LRIG2: variants seen among roughly 807,000 people sequenced by gnomAD.
LRIG2 encodes leucine rich repeats and immunoglobulin like domains 2, also known as leucine-rich repeats and immunoglobulin-like domains protein 2.
In LRIG2, 93 loss-of-function variants were observed where a neutral mutation model predicts 107.8. The observed-to-expected ratio is 0.86, with a 90% CI of 0.73 to 1.03. The LOEUF (loss-of-function observed/expected upper bound fraction) is 1.03, where lower values mean the gene tolerates loss of function less well. Ranked by LOEUF, LRIG2 falls within the 50% of genes least tolerant of loss-of-function variation. LRIG2 has a pLI of 0.00. For missense variants in LRIG2, 1,226 were observed against 1,296.0 expected, an observed-to-expected ratio of 0.95 and a Z score of 0.83; for synonymous variants, 471 against 470.6, an observed-to-expected ratio of 1.00 and a Z score of -0.01.
intron 17 of LRIG2, among the ~76,000 whole-genome samples, chr1:113,119,808 G>A (rs979402387): frequency 1.3e-4 from 20 of 152,156 alleles, no homozygotes; most frequent in African/African-American, 4.8e-4. Context: ...GTTTCATACA[G>A]GCTATTTATT....
At chr1:113,078,696 A>C (rs1345967340) in intron 1 of LRIG2, among the ~76,000 whole-genome samples, 2 of 149,276 alleles carry the variant, frequency 1.3e-5, no homozygotes, top group Non-Finnish European at 3.0e-5. Flanking sequence ...GCTGGAGTGC[A>C]ATGGTCCAGT....
At chr1:113,123,581 AT>A (rs1374656377) in intron 17 of LRIG2, among the ~76,000 whole-genome samples, 2 of 152,232 alleles carry the variant, frequency 1.3e-5, no homozygotes, top group Non-Finnish European at 2.9e-5. Context: ...TCTCAAAAAA[AT>A]AAATAAATAA....
At chr1:113,098,812 C>CA in intron 9 of LRIG2, 27 bp downstream of exon 9, 3 of 1,307,928 alleles carry the variant, frequency 2.3e-6, no homozygotes, top group South Asian at 1.2e-5. Flanking sequence ...TTATGTATGT[C>CA]TACATAGGCA....
At chr1:113,091,463 C>A in intron 2 of LRIG2, 80 bp downstream of exon 2, 1 of 814,382 alleles carries the variant, frequency 1.2e-6, no homozygotes, top group Non-Finnish European at 1.9e-6. Context: ...GATGTTTAAT[C>A]CAGAGATGCC....
At chr1:113,121,818 C>T (rs1216796) in intron 17 of LRIG2, among the ~76,000 whole-genome samples, 117,787 of 151,726 alleles carry the variant, frequency 0.78, 46,736 homozygotes, top group East Asian at 0.94. Flanking sequence ...GTGATACTCC[C>T]GGGGATGGTT....
At chr1:113,106,636 C>G (rs997798022) in intron 11 of LRIG2, among the ~76,000 whole-genome samples, 1 of 152,076 alleles carries the variant, frequency 6.6e-6, no homozygotes, top group Non-Finnish European at 1.5e-5. Context: ...TACCAAGTAG[C>G]TGGGATTATA....
At chr1:113,076,221 G>T (rs986091782) in intron 1 of LRIG2, among the ~76,000 whole-genome samples, 3 of 152,010 alleles carry the variant, frequency 2.0e-5, no homozygotes, top group Non-Finnish European at 4.4e-5. Flanking sequence ...GGCCAGGCTG[G>T]TCTTGAACTC....
At chr1:113,075,908 T>C (rs1163773515) in intron 1 of LRIG2, among the ~76,000 whole-genome samples, 1 of 151,158 alleles carries the variant, frequency 6.6e-6, no homozygotes, top group South Asian at 2.1e-4. Context: ...TGTTGGCCAG[T>C]CTGGTCTTAA....
chr1:113,099,471 C>T (rs894281814), intron 9 of LRIG2, among the ~76,000 whole-genome samples: 1 of 151,492 alleles, frequency 6.6e-6, no homozygotes, highest in Non-Finnish European at 1.5e-5. Flanking sequence ...AACTCCTGGG[C>T]TCAAGTGATC....
chr1:113,086,095 C>G (rs548567417), intron 1 of LRIG2, among the ~76,000 whole-genome samples: 110 of 148,098 alleles, frequency 7.4e-4, no homozygotes, highest in African/African-American at 2.6e-3. Flanking sequence ...CAACTTCCGC[C>G]TCCTGTTCAA....
At chr1:113,097,980 C>T (rs575796106) in intron 8 of LRIG2, among the ~76,000 whole-genome samples, 2 of 152,246 alleles carry the variant, frequency 1.3e-5, no homozygotes, top group African/African-American at 4.8e-5. Flanking sequence ...CTACATGTCC[C>T]TTATAAAGTA....
chr1:113,086,963 A>G (rs147416763), intron 1 of LRIG2, among the ~76,000 whole-genome samples: 136 of 152,332 alleles, frequency 8.9e-4, no homozygotes, highest in South Asian at 1.7e-3. Flanking sequence ...TGGGCAACAT[A>G]GGGAGACCCC....
At chr1:113,096,094 A>G in intron 7 of LRIG2, 77 bp downstream of exon 7, 1 of 1,595,994 alleles carries the variant, frequency 6.3e-7, no homozygotes, top group Non-Finnish European at 8.6e-7. Flanking sequence ...ATGGGCAGTA[A>G]TGAGATGTAA....
In LRIG2 at chr1:113,128,675, G is replaced by C. The variant is rs548340846; in HGVS notation, c.*4574G>C. On this transcript the variant is annotated 3_prime_UTR_variant, in exon 18 of 18. Coordinates refer to ENST00000361127, the MANE Select transcript of LRIG2 (RefSeq NM_014813.3). ...TAATGGTCTAAGAAATACTCATTAG[G>C]AGAAAAAAATTCTGCTTCTAAACAG... 6.6e-6 allele frequency: 1 copy of C among 152,036 alleles called. No individual in the cohort carries two copies. Among genetic ancestry groups the C allele is most frequent in the East Asian group, 1.9e-4 (1 of 5,198 alleles). 9.4% of individuals were successfully genotyped at this position (152,036 alleles called of 1,614,324 possible).
intron 15 of LRIG2, 35 bp from the exon 16 acceptor site, chr1:113,116,252 C>T: frequency 1.9e-6 from 3 of 1,580,588 alleles, no homozygotes; most frequent in Non-Finnish European, 2.6e-6. Flanking sequence ...GCTTCAACTG[C>T]CTACCTTTGA....
intron 17 of LRIG2, among the ~76,000 whole-genome samples, chr1:113,122,075 CT>C (rs758568453): frequency 1.7e-3 from 145 of 87,066 alleles, no homozygotes; most frequent in Admixed American, 2.3e-3. Flanking sequence ...TTAGGCTCAC[CT>C]TTTTTTTTTT....
Position 113,114,509 on chromosome 1 carries a change from G to A in LRIG2, c.2163G>A (p.Gly721=), listed in dbSNP as rs1238962678. The A allele has an allele frequency of 3.7e-6, 6 of 1,613,938 alleles. No individual in the cohort carries two copies. The African/African-American group carries it at 6.7e-5, about 18-fold the overall frequency. The change falls in exon 15 of 18, where the codon GGG becomes GGA. Residue 721 remains glycine, a synonymous_variant. Coordinates refer to ENST00000361127, the MANE Select transcript of LRIG2 (RefSeq NM_014813.3). ...ETAVLQCIAG[G]SPAPRLNWTK... ...CGGTGTTACAGTGCATAGCTGGAGGGAGTCCTGCCCCTCGTCTCAACTGGA... is the reference window on the plus strand; with the variant it reads ...CGGTGTTACAGTGCATAGCTGGAGGAAGTCCTGCCCCTCGTCTCAACTGGA...
chr1:113,110,357 T>C lies in LRIG2; in HGVS notation c.1593T>C (p.Thr531=), dbSNP rs1342615363. Residue 531 remains threonine (T), a synonymous_variant, in exon 13 of 18, where the codon ACT becomes ACC. Transcript: ENST00000361127. ...GCAGCAGTGATTCACCCATGTCCAC[T>C]GTGTGGCGCAAAGACAGTGAAATCC... ...AVSSSDSPMS[T]VWRKDSEILY... The C allele has an allele frequency of 5.0e-6, 8 of 1,614,072 alleles. No individual in the cohort carries two copies. Among genetic ancestry groups the C allele is most frequent in the African/African-American group, 1.3e-5 (1 of 74,918 alleles).
chr1:113,077,217 T>C (rs1331954764), intron 1 of LRIG2, among the ~76,000 whole-genome samples: 1 of 152,066 alleles, frequency 6.6e-6, no homozygotes, highest in Admixed American at 6.6e-5. Context: ...TGATCTCGGC[T>C]CACTGCAACC....
Sources: gnomAD v4.1 joint callset for allele counts (sites outside exome capture counted in the v4.1 genomes callset) on GRCh38, gnomAD v4.1.1 for gene constraint, MANE v1.5 for transcripts, NCBI Gene and HGNC (gene_info 2026-07-23, HGNC 2026-07-21) for gene names.